The following PDE5A variants were observed in gnomAD, a reference collection of about 807,000 sequenced individuals.
PDE5A encodes cGMP-specific 3',5'-cyclic phosphodiesterase.
In PDE5A, 67 loss-of-function variants were observed where a neutral mutation model predicts 110.2. The observed-to-expected ratio is 0.61, with a 90% CI of 0.50 to 0.75. The LOEUF is 0.75. Among genes scored for constraint, PDE5A ranks in the 30% least tolerant of loss-of-function variants. PDE5A has a pLI of 0.00. For synonymous variants in PDE5A, 328 were observed against 351.2 expected (o/e 0.93, Z 0.74); for missense variants, 862 against 1,045.1 (o/e 0.82, Z 2.42).
chr4:119,505,525 C>G lies in PDE5A; in HGVS notation c.2267+330G>C, dbSNP rs184774920. ...ATTTTGCAGCTATATCTTACTTCCACAACATTTATAATTCCATTTTCAGCA... is the reference window on the plus strand; with the variant it reads ...ATTTTGCAGCTATATCTTACTTCCAGAACATTTATAATTCCATTTTCAGCA... On this transcript the variant is annotated intron_variant, in intron 17 of 20. Transcript: ENST00000354960. Among the ~76,000 whole-genome samples, 60 of 151,932 alleles carry G rather than the reference C, an allele frequency of 3.9e-4. No homozygotes were observed. The East Asian group carries it at 0.011, about 28-fold the overall frequency.
chr4:119,537,204 A>G (rs1331008159), intron 11 of PDE5A, among the ~76,000 whole-genome samples: 3 of 152,098 alleles, frequency 2.0e-5, no homozygotes, highest in Admixed American at 6.6e-5. Flanking sequence ...AAACCTAACC[A>G]AACAATAAAA....
intron 11 of PDE5A, among the ~76,000 whole-genome samples, chr4:119,530,512 T>C (rs751983521): frequency 6.6e-6 from 1 of 152,140 alleles, no homozygotes; most frequent in Admixed American, 6.6e-5. Flanking sequence ...GATAATGACA[T>C]GTATCTTAGA....
At chr4:119,555,615 T>C (rs765050117) in intron 7 of PDE5A, among the ~76,000 whole-genome samples, 28 of 152,242 alleles carry the variant, frequency 1.8e-4, no homozygotes, top group Middle Eastern at 3.4e-3. Flanking sequence ...ATGATAATTA[T>C]CATATCAATA....
intron 11 of PDE5A, among the ~76,000 whole-genome samples, chr4:119,533,090 G>C (rs1481405785): frequency 6.6e-6 from 1 of 152,082 alleles, no homozygotes; most frequent in Non-Finnish European, 1.5e-5. Context: ...CCTCAGTGTT[G>C]TATAAAGGTA....
chr4:119,555,513 T>C (rs1258867837), intron 7 of PDE5A, among the ~76,000 whole-genome samples: 1 of 151,864 alleles, frequency 6.6e-6, no homozygotes, highest in East Asian at 1.9e-4. Flanking sequence ...AATAAGAAGC[T>C]ATAGTGAACA....
intron 14 of PDE5A, 73 bp downstream of exon 14, chr4:119,518,972 T>C (rs963827364): frequency 9.9e-7 from 1 of 1,010,452 alleles, no homozygotes; most frequent in African/African-American, 1.6e-5. Flanking sequence ...AATTTTGCTG[T>C]GGCTTTAACT....
chr4:119,541,620 A>C (rs936594455), intron 10 of PDE5A: 26 of 152,142 alleles, frequency 1.7e-4, no homozygotes, highest in African/African-American at 6.0e-4. Context: ...TTATGTACTT[A>C]AGAGAGATTG....
At chr4:119,610,126 T>C (rs896811425) in intron 1 of PDE5A, among the ~76,000 whole-genome samples, 1 of 152,192 alleles carries the variant, frequency 6.6e-6, no homozygotes, top group African/African-American at 2.4e-5. Flanking sequence ...ATGCTGTGAC[T>C]TAGGACAAAA....
chr4:119,533,663 A>G (rs1056217029), intron 11 of PDE5A, among the ~76,000 whole-genome samples: 1 of 152,108 alleles, frequency 6.6e-6, no homozygotes, highest in Non-Finnish European at 1.5e-5. Flanking sequence ...TTTTTTTCTA[A>G]CATTATATAA....
chr4:119,601,058 C>G (rs1336650363), intron 2 of PDE5A, among the ~76,000 whole-genome samples: 8 of 152,172 alleles, frequency 5.3e-5, no homozygotes, highest in Non-Finnish European at 1.2e-4. Flanking sequence ...GTTCCTGACA[C>G]AGACCTCCTA....
At chr4:119,538,336 C>T (rs546527669) in intron 11 of PDE5A, among the ~76,000 whole-genome samples, 167 of 152,220 alleles carry the variant, frequency 1.1e-3, no homozygotes, top group Middle Eastern at 3.4e-3. Flanking sequence ...ATGGCCCTTA[C>T]CTATGTCATC....
chr4:119,578,535 A>G (rs1322902390), intron 3 of PDE5A, among the ~76,000 whole-genome samples: 3 of 152,238 alleles, frequency 2.0e-5, no homozygotes, highest in Admixed American at 6.5e-5. Context: ...GTAATGCTGC[A>G]TATCTACAAC....
chr4:119,496,937 G>T lies in PDE5A; in HGVS notation c.*1664C>A, dbSNP rs201212144. On this transcript the variant is annotated 3_prime_UTR_variant, in exon 21 of 21. Transcript: ENST00000354960. ...AAATAATGGCAATACAATGTGTTTT[G>T]CTTCTATTTTTTGTTTTTTTACCAG... is the stretch of plus-strand genomic sequence containing the variant. The T allele has an allele frequency of 2.0e-5, 3 of 152,162 alleles. No homozygotes were observed. The highest frequency in any genetic ancestry group is 4.4e-5 in the Non-Finnish European group (3 of 67,966). 9.4% of individuals were successfully genotyped at this position (152,162 alleles called of 1,614,324 possible).
intron 18 of PDE5A, among the ~76,000 whole-genome samples, chr4:119,503,881 T>TA (rs1217178385): frequency 6.6e-6 from 1 of 152,112 alleles, no homozygotes; most frequent in Admixed American, 6.6e-5. Context: ...TAATACTACT[T>TA]AAAAATTCCA....
intron 7 of PDE5A, among the ~76,000 whole-genome samples, chr4:119,556,954 C>T (rs1727563372): frequency 6.6e-6 from 1 of 152,148 alleles, no homozygotes; most frequent in Admixed American, 6.5e-5. Flanking sequence ...ATATGGATCT[C>T]ATTCTTTTAC....
chr4:119,599,223 T>C (rs944366429), intron 2 of PDE5A, among the ~76,000 whole-genome samples: 2 of 152,120 alleles, frequency 1.3e-5, no homozygotes, highest in Non-Finnish European at 2.9e-5. Flanking sequence ...TCATCCCTTT[T>C]TTAAAGGAAG....
At chr4:119,583,206 T>C (rs1366395040) in intron 3 of PDE5A, among the ~76,000 whole-genome samples, 2 of 152,252 alleles carry the variant, frequency 1.3e-5, no homozygotes, top group Non-Finnish European at 2.9e-5. Context: ...TGCTAAAGCT[T>C]CTCCATCAGT....
intron 3 of PDE5A, among the ~76,000 whole-genome samples, chr4:119,572,832 T>C (rs1728190139): frequency 6.6e-6 from 1 of 152,186 alleles, no homozygotes; most frequent in Non-Finnish European, 1.5e-5. Context: ...AATGTTAATA[T>C]TTGGTGATGT....
At chr4:119,557,966 T>C (rs1459834160) in intron 7 of PDE5A, among the ~76,000 whole-genome samples, 1 of 152,244 alleles carries the variant, frequency 6.6e-6, no homozygotes, top group South Asian at 2.1e-4. Flanking sequence ...ATTAATTCTA[T>C]GTATTTATCA....
Sources: gnomAD v4.1 joint callset for allele counts (sites outside exome capture counted in the v4.1 genomes callset) on GRCh38, gnomAD v4.1.1 for gene constraint, MANE v1.5 for transcripts, NCBI Gene and HGNC (gene_info 2026-07-23, HGNC 2026-07-21) for gene names.